The following EHBP1 variants were observed in gnomAD, a reference collection of about 807,000 sequenced individuals.
The protein encoded by EHBP1 is EH domain-binding protein 1.
EHBP1 carries 55 observed loss-of-function variants against 144.0 expected under a neutral mutation model. The observed-to-expected ratio is 0.38, with a 90% CI of 0.31 to 0.48. The LOEUF (loss-of-function observed/expected upper bound fraction) is 0.48, where lower values mean the gene tolerates loss of function less well. EHBP1 is among the 20% of genes least tolerant of loss of function. EHBP1 has a pLI of 0.98. For missense variants in EHBP1, 1,200 were observed against 1,364.2 expected (o/e 0.88, Z 1.90); for synonymous variants, 469 against 472.7 (o/e 0.99, Z 0.10).
At chr2:62,816,333 T>C (rs1225364314) in intron 5 of EHBP1, among the ~76,000 whole-genome samples, 1 of 152,202 alleles carries the variant, frequency 6.6e-6, no homozygotes, top group African/African-American at 2.4e-5. Flanking sequence ...TTATTCTTCA[T>C]AAAACATGTT....
chr2:62,699,238 T>C (rs958793665), intron 1 of EHBP1, among the ~76,000 whole-genome samples: 3 of 152,214 alleles, frequency 2.0e-5, no homozygotes, highest in Non-Finnish European at 2.9e-5. Flanking sequence ...GGATTTTTTT[T>C]CCAGTTTTTG....
intron 3 of EHBP1, among the ~76,000 whole-genome samples, chr2:62,753,388 C>G (rs2039946725): frequency 6.6e-6 from 1 of 152,100 alleles, no homozygotes; most frequent in South Asian, 2.1e-4. Context: ...GTCTGATGGG[C>G]TTCCCTTTGT....
chr2:63,007,045 A>G (rs1342079191), intron 19 of EHBP1, among the ~76,000 whole-genome samples: 21 of 151,846 alleles, frequency 1.4e-4, no homozygotes, highest in Admixed American at 1.4e-3. Context: ...CGTATTGCTA[A>G]AGAAGCTTAA....
intron 14 of EHBP1, among the ~76,000 whole-genome samples, chr2:62,978,200 C>T (rs906432626): frequency 2.6e-5 from 4 of 150,950 alleles, no homozygotes; most frequent in African/African-American, 7.3e-5. Flanking sequence ...TATTAATAAT[C>T]CTTTTTTTTT....
intron 2 of EHBP1, among the ~76,000 whole-genome samples, chr2:62,739,962 A>G (rs1456989063): frequency 6.6e-6 from 1 of 150,640 alleles, no homozygotes; most frequent in Non-Finnish European, 1.5e-5. Context: ...AAGAAAAATT[A>G]TAAATTCTTT....
At chr2:62,792,049 C>T (rs763230725) in intron 5 of EHBP1, among the ~76,000 whole-genome samples, 1 of 151,994 alleles carries the variant, frequency 6.6e-6, no homozygotes, top group East Asian at 1.9e-4. Context: ...TCTTGCCATC[C>T]AGATACAACA....
intron 1 of EHBP1, among the ~76,000 whole-genome samples, chr2:62,675,255 GA>G (rs893445304): frequency 1.3e-5 from 2 of 152,168 alleles, no homozygotes; most frequent in African/African-American, 4.8e-5. Flanking sequence ...TGTCCCTCCA[GA>G]TAAGGGTTAA....
rs777805096 is a variant in EHBP1 at position 62,943,838 on chromosome 2, G to C, written c.1401G>C (p.Glu467Asp). The C allele has an allele frequency of 1.2e-6, 2 of 1,604,558 alleles. No individual in the cohort carries two copies. Among genetic ancestry groups the C allele is most frequent in the Admixed American group, 1.7e-5 (1 of 59,126 alleles). The change falls in exon 12 of 23, where the codon GAG becomes GAC. Residue 467 changes from glutamate to aspartate, a missense_variant. Around this residue, in one of 6 missense-constraint regions of EHBP1, gnomAD observed 94 missense variants for 143.0 expected, o/e 0.66. Coordinates refer to ENST00000431489, the MANE Select transcript of EHBP1 (RefSeq NM_001142616.3). ...YKSLNPQDIKENNKKAYDGFA... is the reference protein window; with the variant it reads ...YKSLNPQDIKDNNKKAYDGFA... ...CTCTGAATCCTCAAGATATTAAAGA[G>C]AACAACAAAAAGGTAAGAATTGATG... is the stretch of plus-strand genomic sequence containing the variant.
chr2:62,748,947 A>G (rs1335394519), intron 3 of EHBP1, among the ~76,000 whole-genome samples: 5 of 152,104 alleles, frequency 3.3e-5, no homozygotes, highest in Admixed American at 2.6e-4. Flanking sequence ...TATAATTACC[A>G]CTTCTGTAAA....
At chr2:62,903,681 G>T (rs72809506) in intron 10 of EHBP1, among the ~76,000 whole-genome samples, 1,703 of 152,188 alleles carry the variant, frequency 0.011, 18 homozygotes, top group Middle Eastern at 0.044. Context: ...CTAGAGGATT[G>T]CTTGAGCCCA....
chr2:62,859,831 T>C (rs2049362359), intron 8 of EHBP1, among the ~76,000 whole-genome samples: 2 of 152,198 alleles, frequency 1.3e-5, no homozygotes, highest in South Asian at 4.1e-4. Context: ...TCTTATTAAG[T>C]AGTTTTGAAC....
chr2:62,729,046 A>G (rs1361416232), intron 2 of EHBP1, among the ~76,000 whole-genome samples: 4 of 151,508 alleles, frequency 2.6e-5, no homozygotes, highest in African/African-American at 4.8e-5. Context: ...TTTTGCATGA[A>G]CGTGCAGATA....
chr2:62,807,181 A>C (rs141070119), intron 5 of EHBP1, among the ~76,000 whole-genome samples: 2 of 152,372 alleles, frequency 1.3e-5, no homozygotes, highest in African/African-American at 4.8e-5. Flanking sequence ...CAACATACGC[A>C]TAACAATACG....
chr2:63,024,425 A>G (rs1403914107), intron 19 of EHBP1, among the ~76,000 whole-genome samples: 2 of 152,106 alleles, frequency 1.3e-5, no homozygotes, highest in Admixed American at 6.6e-5. Flanking sequence ...CAACACAGCA[A>G]TACCCTGTCT....
At position 62,955,771 on chromosome 2, in the gene EHBP1, G is replaced by A. The variant is rs2057663490; in HGVS notation, c.2460+111G>A. ...GTTATTTTTCTACGGACTGTACATT[G>A]TGAATACTTGGTGCACTTACTGAAC... On this transcript the variant is annotated intron_variant, in intron 14 of 22. Coordinates refer to ENST00000431489, the MANE Select transcript of EHBP1 (RefSeq NM_001142616.3). The A allele has an allele frequency of 3.4e-6, 4 of 1,169,384 alleles. No homozygotes were observed. In the African/African-American group the frequency reaches 4.6e-5, roughly 14 times the overall value. 72.4% of individuals were successfully genotyped at this position (1,169,384 alleles called of 1,614,324 possible).
upstream of EHBP1, among the ~76,000 whole-genome samples, chr2:62,701,465 A>G (rs1319581542): frequency 2.0e-5 from 3 of 152,222 alleles, no homozygotes; most frequent in African/African-American, 7.2e-5. Flanking sequence ...CAGGTCTCTA[A>G]CAGGATTCCA....
intron 7 of EHBP1, among the ~76,000 whole-genome samples, chr2:62,853,812 G>A (rs533642399): frequency 3.9e-5 from 6 of 152,314 alleles, no homozygotes; most frequent in African/African-American, 1.4e-4. Context: ...GGGCGACCTG[G>A]TGCATTGTCA....
intron 15 of EHBP1, among the ~76,000 whole-genome samples, chr2:62,989,277 A>C (rs951427162): frequency 1.3e-5 from 2 of 152,074 alleles, no homozygotes; most frequent in African/African-American, 4.8e-5. Flanking sequence ...TCGGAAACCA[A>C]TCACATCTTT....
At chr2:62,747,348 T>G in intron 2 of EHBP1, 47 bp from the exon 3 acceptor site, 2 of 1,569,494 alleles carry the variant, frequency 1.3e-6, no homozygotes. Context: ...AAATGAAACT[T>G]TATTTATTTA....
Sources: allele counts gnomAD v4.1 joint callset (sites outside exome capture counted in the v4.1 genomes callset), GRCh38; gene constraint gnomAD v4.1.1; regional missense constraint gnomAD v4.1.1; transcripts MANE v1.5; gene names NCBI Gene and HGNC (gene_info 2026-07-23, HGNC 2026-07-21).